The following MYO1E variants were observed in gnomAD, a reference collection of about 807,000 sequenced individuals.
The protein encoded by MYO1E is myosin IE.
A neutral mutation model predicts 151.1 loss-of-function variants in MYO1E; 68 were observed. That is an observed-to-expected ratio of 0.45 (90% CI 0.37 to 0.55). The LOEUF (loss-of-function observed/expected upper bound fraction) is 0.55. Ranked by LOEUF, MYO1E falls within the 20% of genes least tolerant of loss-of-function variation. The probability of loss-of-function intolerance (pLI) is 0.00; values close to 1 mark genes in which losing one functional copy is unlikely to be tolerated. For synonymous variants in MYO1E, 601 were observed against 501.7 expected, an observed-to-expected ratio of 1.20 and a Z score of -2.64; for missense variants, 1,363 against 1,389.3, an observed-to-expected ratio of 0.98 and a Z score of 0.30.
chr15:59,165,228 G>A (rs77280424), intron 22 of MYO1E, among the ~76,000 whole-genome samples: 33 of 152,284 alleles, frequency 2.2e-4, no homozygotes, highest in African/African-American at 6.3e-4. Flanking sequence ...ATAGGAAGGC[G>A]TAGAATGGCA....
intron 1 of MYO1E, among the ~76,000 whole-genome samples, chr15:59,345,563 T>TA (rs2080789632): frequency 6.6e-6 from 1 of 152,206 alleles, no homozygotes; most frequent in Non-Finnish European, 1.5e-5. Context: ...CATTGACCTT[T>TA]AACTTTGGCT....
At chr15:59,151,683 C>T (rs182107917) in intron 26 of MYO1E, among the ~76,000 whole-genome samples, 34 of 152,180 alleles carry the variant, frequency 2.2e-4, no homozygotes, top group Non-Finnish European at 3.1e-4. Context: ...GAGGCCAAGG[C>T]GGGTGGATTA....
In MYO1E at chr15:59,202,370, C is replaced by T. The variant is rs746688811; in HGVS notation, c.1654G>A (p.Ala552Thr). ...IKSLFPENLQ[A>T]DKKGRPTTAG... ...GTAGTTGGGCGCCCTTTCTTGTCAGCCTGCAGATTTTCCGGAAATAAAGAC... is the reference window on the plus strand; with the variant it reads ...GTAGTTGGGCGCCCTTTCTTGTCAGTCTGCAGATTTTCCGGAAATAAAGAC... Residue 552 changes from alanine to threonine, a missense_variant, in exon 16 of 28, where the codon GCT (alanine) becomes ACT (threonine). Ala to Thr is a moderately conservative substitution (Grantham distance 58). Coordinates refer to ENST00000288235, the MANE Select transcript of MYO1E (RefSeq NM_004998.4). The T allele has an allele frequency of 9.3e-6, 15 of 1,613,956 alleles. No individual in the cohort carries two copies. The highest frequency in any genetic ancestry group is 1.7e-5 in the Admixed American group (1 of 59,994).
chr15:59,329,813 G>A (rs1003927476), intron 1 of MYO1E, among the ~76,000 whole-genome samples: 6 of 152,184 alleles, frequency 3.9e-5, no homozygotes, highest in Non-Finnish European at 7.3e-5. Context: ...CCCATGGACA[G>A]GGCGGACTGG....
chr15:59,157,268 A>G (rs1341032828), intron 25 of MYO1E, among the ~76,000 whole-genome samples: 2 of 152,172 alleles, frequency 1.3e-5, no homozygotes, highest in African/African-American at 2.4e-5. Context: ...TTTTATAACA[A>G]TTTTGTAATA....
intron 10 of MYO1E, among the ~76,000 whole-genome samples, chr15:59,217,519 CTTTTTTTTTTTT>C (rs1164320277): frequency 1.9e-5 from 1 of 53,154 alleles, no homozygotes; most frequent in Non-Finnish European, 3.3e-5. Flanking sequence ...GTCGTTTTAC[CTTTTTTTTTTTT>C]TTTTTTTTTT....
chr15:59,271,714 T>G (rs1174671448), intron 2 of MYO1E, among the ~76,000 whole-genome samples: 4 of 152,246 alleles, frequency 2.6e-5, no homozygotes, highest in Non-Finnish European at 4.4e-5. Context: ...TCACATTTCC[T>G]TTAGTAAACA....
At chr15:59,241,399 TA>T (rs2080098951) in intron 4 of MYO1E, among the ~76,000 whole-genome samples, 1 of 151,946 alleles carries the variant, frequency 6.6e-6, no homozygotes, top group Non-Finnish European at 1.5e-5. Flanking sequence ...CAAATAAAAA[TA>T]AAAACAATTG....
chr15:59,179,939 A>G (rs116371080), intron 18 of MYO1E, among the ~76,000 whole-genome samples: 2,638 of 152,352 alleles, frequency 0.017, 68 homozygotes, highest in African/African-American at 0.058. Context: ...ATAGGCCCCC[A>G]GGCCTTGAGC....
chr15:59,224,145 A>T (rs1355049632), intron 8 of MYO1E, among the ~76,000 whole-genome samples: 1 of 152,182 alleles, frequency 6.6e-6, no homozygotes, highest in Non-Finnish European at 1.5e-5. Context: ...TGCCCCCAGG[A>T]TGGAACCCCT....
chr15:59,151,051 G>A (rs1665055), intron 26 of MYO1E, among the ~76,000 whole-genome samples: 16 of 138,008 alleles, frequency 1.2e-4, no homozygotes, highest in African/African-American at 2.9e-4. Flanking sequence ...ACACACACAC[G>A]CGCGCGCGCG....
rs554499498 is a variant in MYO1E, at chr15:59,293,797, C to T, written c.4-21348G>A. Among the ~76,000 whole-genome samples, 9 of 152,184 alleles carry T rather than the reference C, an allele frequency of 5.9e-5. 1 individual carries two copies. The highest frequency in any genetic ancestry group is 5.9e-4 in the Admixed American group (9 of 15,294). On this transcript the variant is annotated intron_variant, in intron 1 of 27. Coordinates refer to ENST00000288235, the MANE Select transcript of MYO1E (RefSeq NM_004998.4). ...GTGGCTCACGCCTGTAATCCCAGCA[C>T]TTTGAGAGGTTGAAGTGGGTGGATC...
At chr15:59,169,854 G>A (rs2079582073) in intron 22 of MYO1E, among the ~76,000 whole-genome samples, 1 of 152,132 alleles carries the variant, frequency 6.6e-6, no homozygotes, top group Admixed American at 6.5e-5. Context: ...AAGTGTCAAA[G>A]TGCTTGATAC....
Position 59,350,158 on chromosome 15 carries a change from A to C in MYO1E, c.3+22340T>G, listed in dbSNP as rs1181183373. The stretch of plus-strand genomic sequence containing the variant: ...CTTACTTCATTTTTTAACAAATGAA[A>C]CTGAAGTACAGTTAAGTAATTTGTT... On this transcript the variant is annotated intron_variant, in intron 1 of 27. Coordinates refer to ENST00000288235, the MANE Select transcript of MYO1E (RefSeq NM_004998.4). This position sits in a 1 kb window ranked among gnomAD's most constrained non-coding sequence, Gnocchi z 5.0. Among the ~76,000 whole-genome samples, 1 of 152,246 alleles carries C rather than the reference A, an allele frequency of 6.6e-6. No homozygotes were observed. Among genetic ancestry groups the C allele is most frequent in the Non-Finnish European group, 1.5e-5 (1 of 68,048 alleles).
Position 59,188,168 on chromosome 15 carries a change from C to G in MYO1E, c.1854G>C (p.Val618=). ...GCCGATAGGCATAGCCAGCTCTTCT[C>G]ACTCGAATGTTCTCTTTCAGACCCA... is the stretch of plus-strand genomic sequence containing the variant. The part of the protein sequence containing the change: ...EYLGLKENIR[V]RRAGYAYRRI... Residue 618 remains valine (V), a synonymous_variant, in exon 18 of 28, where the codon GTG becomes GTC. Coordinates refer to ENST00000288235, the MANE Select transcript of MYO1E (RefSeq NM_004998.4). 2 of 1,614,196 alleles carry G rather than the reference C, an allele frequency of 1.2e-6. No individual in the cohort carries two copies. The highest frequency in any genetic ancestry group is 2.2e-5 in the East Asian group (1 of 44,892).
intron 14 of MYO1E, 158 bp downstream of exon 14, chr15:59,208,523 G>T: frequency 2.3e-6 from 2 of 864,036 alleles, no homozygotes; most frequent in Non-Finnish European, 3.8e-6. Flanking sequence ...AAATGCAGTA[G>T]TATATACAAT....
chr15:59,334,349 T>C (rs559656990), intron 1 of MYO1E, among the ~76,000 whole-genome samples: 1 of 152,282 alleles, frequency 6.6e-6, no homozygotes, highest in African/African-American at 2.4e-5. Context: ...AAAGAAATTA[T>C]AAAGGCTTAA....
chr15:59,153,557 G>A, intron 26 of MYO1E, 33 bp downstream of exon 26: 2 of 1,602,510 alleles, frequency 1.2e-6, no homozygotes, highest in Non-Finnish European at 1.7e-6. Flanking sequence ...GATGGAGCTT[G>A]CCGGCTTCAT....
At chr15:59,279,532 T>C (rs2080340885) in intron 1 of MYO1E, among the ~76,000 whole-genome samples, 1 of 152,136 alleles carries the variant, frequency 6.6e-6, no homozygotes, top group Non-Finnish European at 1.5e-5. Flanking sequence ...CACTTAGCCA[T>C]AGGGTGTCAC....
Sources: allele counts gnomAD v4.1 joint callset (sites outside exome capture counted in the v4.1 genomes callset), GRCh38; gene constraint gnomAD v4.1.1; non-coding constraint Gnocchi (gnomAD v3.1); transcripts MANE v1.5; gene names NCBI Gene and HGNC (gene_info 2026-07-23, HGNC 2026-07-21).